NCKAP5: variants seen among roughly 807,000 people sequenced by gnomAD.
The protein encoded by NCKAP5 is nck-associated protein 5.
A neutral mutation model predicts 167.0 loss-of-function variants in NCKAP5; 92 were observed. The observed-to-expected ratio is 0.55, with a 90% CI of 0.47 to 0.66. The LOEUF (loss-of-function observed/expected upper bound fraction) is 0.66, where lower values mean the gene tolerates loss of function less well. Ranked by LOEUF, NCKAP5 falls within the 30% of genes least tolerant of loss-of-function variation. The pLI, the probability that NCKAP5 is intolerant of heterozygous loss-of-function variation, is 0.00. For synonymous variants in NCKAP5, 891 were observed against 877.4 expected (o/e 1.02, Z -0.27); for missense variants, 2,378 against 2,315.0 (o/e 1.03, Z -0.56).
intron 3 of NCKAP5, among the ~76,000 whole-genome samples, chr2:133,392,409 G>A (rs1687472490): frequency 6.6e-6 from 1 of 152,116 alleles, no homozygotes; most frequent in Non-Finnish European, 1.5e-5. Flanking sequence ...TGACAAAATA[G>A]CCCTAATGAT....
intron 11 of NCKAP5, among the ~76,000 whole-genome samples, chr2:132,845,298 T>G (rs527875067): frequency 6.6e-5 from 10 of 152,166 alleles, no homozygotes; most frequent in Non-Finnish European, 1.2e-4. Flanking sequence ...AATTTTAAAA[T>G]TTTGATTTAG....
chr2:133,309,348 CA>C, intron 3 of NCKAP5, among the ~76,000 whole-genome samples: 1 of 152,248 alleles, frequency 6.6e-6, no homozygotes, highest in South Asian at 2.1e-4. Context: ...TGAAATACCA[CA>C]AGGAAACCAT....
At chr2:133,040,001 T>C (rs140922875) in intron 6 of NCKAP5, among the ~76,000 whole-genome samples, 2 of 152,350 alleles carry the variant, frequency 1.3e-5, no homozygotes, top group East Asian at 3.9e-4. Context: ...AATGTTTTGA[T>C]ATTACTTTCT....
chr2:132,752,739 C>A (rs1055909628), intron 16 of NCKAP5, among the ~76,000 whole-genome samples: 1 of 152,148 alleles, frequency 6.6e-6, no homozygotes, highest in Non-Finnish European at 1.5e-5. Flanking sequence ...AAAGAATTGG[C>A]TCACATGATA....
intron 7 of NCKAP5, among the ~76,000 whole-genome samples, chr2:132,965,601 A>G (rs987995900): frequency 6.6e-6 from 1 of 152,188 alleles, no homozygotes; most frequent in Admixed American, 6.5e-5. Context: ...ACATACATAT[A>G]TCCACACATA....
At chr2:133,355,582 G>T (rs921252092) in intron 3 of NCKAP5, among the ~76,000 whole-genome samples, 1 of 151,986 alleles carries the variant, frequency 6.6e-6, no homozygotes. Flanking sequence ...ACGGTATTGT[G>T]ATTACTTATT....
rs557998124 is a variant in NCKAP5 at position 133,119,474 on chromosome 2, A to G, written c.341+10504T>C. Among the ~76,000 whole-genome samples the G allele has an allele frequency of 2.7e-4, 41 of 152,332 alleles. No individual in the cohort carries two copies. In the South Asian group the frequency reaches 7.5e-3, roughly 28 times the overall value. On this transcript the variant is annotated intron_variant, in intron 6 of 19. Coordinates refer to ENST00000409261, the MANE Select transcript of NCKAP5 (RefSeq NM_207363.3). ...TGCATGAAATACAATTGCTTAGATC[A>G]GTAGGGTAAATATAGTTTAAAACAA... is the stretch of plus-strand genomic sequence containing the variant.
Position 132,725,772 on chromosome 2 carries a change from T to A in NCKAP5, c.5581-13A>T. The A allele has an allele frequency of 6.2e-7, 1 of 1,611,936 alleles. No individual in the cohort carries two copies. The highest frequency in any genetic ancestry group is 8.5e-7 in the Non-Finnish European group (1 of 1,179,246). Reference sequence around the variant, plus strand: ...TGGGTGCCTTGTCCTAAATGAGTAATATGAGACTGTTAAGATAATTCATAC... The same window carrying A: ...TGGGTGCCTTGTCCTAAATGAGTAAAATGAGACTGTTAAGATAATTCATAC... On this transcript the variant is annotated splice_polypyrimidine_tract_variant and intron_variant, in intron 18 of 19. Transcript: ENST00000409261.
At chr2:132,736,624 CA>C (rs5834330) in intron 16 of NCKAP5, among the ~76,000 whole-genome samples, 19,233 of 140,572 alleles carry the variant, frequency 0.14, 1,675 homozygotes, top group East Asian at 0.45. Flanking sequence ...ACTAAAAATA[CA>C]AAAAAAAAAA....
chr2:133,513,241 G>C (rs1683653365), intron 3 of NCKAP5, among the ~76,000 whole-genome samples: 2 of 152,218 alleles, frequency 1.3e-5, no homozygotes, highest in African/African-American at 4.8e-5. Context: ...AACATAGATA[G>C]AGCAGTGGTT....
intron 11 of NCKAP5, among the ~76,000 whole-genome samples, chr2:132,810,151 C>G (rs2105259426): frequency 6.6e-6 from 1 of 152,332 alleles, no homozygotes; most frequent in South Asian, 2.1e-4. Context: ...GCTGAGAAAT[C>G]TGCTGTTAAT....
At chr2:132,683,273 A>T (rs1054845486) in intron 19 of NCKAP5, among the ~76,000 whole-genome samples, 5 of 151,832 alleles carry the variant, frequency 3.3e-5, no homozygotes, top group Admixed American at 1.3e-4. Flanking sequence ...ACCTAAAAAA[A>T]AATTCTTCCA....
intron 16 of NCKAP5, among the ~76,000 whole-genome samples, chr2:132,743,658 T>C (rs189870566): frequency 6.6e-6 from 1 of 151,806 alleles, no homozygotes; most frequent in Admixed American, 6.6e-5. Flanking sequence ...TAAATAATTA[T>C]ATGGTAGATT....
chr2:133,329,316 G>A (rs1263127984), intron 3 of NCKAP5, among the ~76,000 whole-genome samples: 1 of 152,084 alleles, frequency 6.6e-6, no homozygotes, highest in Non-Finnish European at 1.5e-5. Context: ...CAAGGGAGGA[G>A]GGGCTGGGGA....
At chr2:133,371,247 A>C (rs1685788314) in intron 3 of NCKAP5, among the ~76,000 whole-genome samples, 1 of 152,190 alleles carries the variant, frequency 6.6e-6, no homozygotes, top group Admixed American at 6.6e-5. Context: ...TCAGACTCTC[A>C]CTTCTTGCCA....
intron 19 of NCKAP5, among the ~76,000 whole-genome samples, chr2:132,722,331 A>G (rs1690003533): frequency 6.6e-6 from 1 of 152,148 alleles, no homozygotes; most frequent in South Asian, 2.1e-4. Context: ...CTGGCAGAGG[A>G]AGGGGTAGGA....
chr2:132,939,395 T>C (rs542048241), intron 8 of NCKAP5, among the ~76,000 whole-genome samples: 1 of 152,288 alleles, frequency 6.6e-6, no homozygotes, highest in African/African-American at 2.4e-5. Flanking sequence ...GAGGGGCTGA[T>C]AATACGATGG....
chr2:133,497,987 T>C (rs1390634799), intron 3 of NCKAP5, among the ~76,000 whole-genome samples: 1 of 152,200 alleles, frequency 6.6e-6, no homozygotes, highest in South Asian at 2.1e-4. Flanking sequence ...GTCTAATATC[T>C]ATTCAGATAT....
the NCKAP5 span, among the ~76,000 whole-genome samples, chr2:133,650,677 C>T: frequency 5.3e-5 from 8 of 151,540 alleles, no homozygotes; most frequent in South Asian, 2.1e-4. Context: ...GAGTTTGAGA[C>T]GAGTCTGGCC....
Sources: gnomAD v4.1 joint callset for allele counts (sites outside exome capture counted in the v4.1 genomes callset) on GRCh38, gnomAD v4.1.1 for gene constraint, MANE v1.5 for transcripts, NCBI Gene and HGNC (gene_info 2026-07-23, HGNC 2026-07-21) for gene names.